Variants in KHDRBS2 observed in about 807,000 individuals in gnomAD.
KHDRBS2 encodes the protein KH RNA binding domain containing, signal transduction associated 2, also known as KH domain-containing, RNA-binding, signal transduction-associated protein 2.
Under a neutral mutation model 44.3 loss-of-function variants are expected in KHDRBS2, and 26 were observed. The ratio of observed to expected loss-of-function variants is 0.59; its 90% confidence interval spans 0.43 to 0.81. The LOEUF (loss-of-function observed/expected upper bound fraction) is 0.81, where lower values mean the gene tolerates loss of function less well. KHDRBS2 is among the 40% of genes least tolerant of loss of function. The probability of loss-of-function intolerance (pLI) is 0.00; values close to 1 mark genes in which losing one functional copy is unlikely to be tolerated. For missense variants in KHDRBS2, 476 were observed against 433.1 expected, an observed-to-expected ratio of 1.10 and a Z score of -0.88; for synonymous variants, 194 against 151.1, an observed-to-expected ratio of 1.28 and a Z score of -2.08.
intron 2 of KHDRBS2, among the ~76,000 whole-genome samples, chr6:62,098,187 A>C (rs1446102430): frequency 6.6e-6 from 1 of 150,470 alleles, no homozygotes; most frequent in African/African-American, 2.4e-5. Context: ...ATAGTATAGG[A>C]GTATTATGAA....
chr6:62,061,842 G>C (rs939505769), intron 2 of KHDRBS2, among the ~76,000 whole-genome samples: 3 of 148,510 alleles, frequency 2.0e-5, no homozygotes, highest in African/African-American at 7.4e-5. Flanking sequence ...TTTTCACATA[G>C]TCCCATATTT....
chr6:61,857,628 A>C (rs1796329007), intron 6 of KHDRBS2, among the ~76,000 whole-genome samples: 1 of 152,004 alleles, frequency 6.6e-6, no homozygotes, highest in South Asian at 2.1e-4. Context: ...CCATGTTAGC[A>C]ACATACGGAT....
At chr6:62,089,626 C>T (rs929136619) in intron 2 of KHDRBS2, among the ~76,000 whole-genome samples, 4 of 152,152 alleles carry the variant, frequency 2.6e-5, no homozygotes, top group Non-Finnish European at 5.9e-5. Flanking sequence ...CACCCAACTT[C>T]TGCATTGGTC....
intron 1 of KHDRBS2, among the ~76,000 whole-genome samples, chr6:62,211,305 T>G (rs1314032358): frequency 6.6e-6 from 1 of 152,110 alleles, no homozygotes; most frequent in African/African-American, 2.4e-5. Flanking sequence ...GCAGAAATAG[T>G]TGAAGTGGAA....
chr6:61,736,814 C>G (rs1775436082), intron 6 of KHDRBS2, among the ~76,000 whole-genome samples: 1 of 151,900 alleles, frequency 6.6e-6, no homozygotes, highest in Non-Finnish European at 1.5e-5. Flanking sequence ...ATATATTAAC[C>G]CTTAGTTCCC....
chr6:62,053,297 A>T (rs1327523489), intron 2 of KHDRBS2, among the ~76,000 whole-genome samples: 1 of 151,904 alleles, frequency 6.6e-6, no homozygotes, highest in Non-Finnish European at 1.5e-5. Context: ...GGAGAATATA[A>T]CCTTCATACC....
the KHDRBS2 span, among the ~76,000 whole-genome samples, chr6:61,622,708 T>C: frequency 6.6e-6 from 1 of 152,098 alleles, no homozygotes; most frequent in Non-Finnish European, 1.5e-5. Flanking sequence ...GAAGTGAACA[T>C]GCTTGAATGG....
intron 6 of KHDRBS2, among the ~76,000 whole-genome samples, chr6:61,746,570 A>T (rs1412495600): frequency 6.6e-6 from 1 of 151,958 alleles, no homozygotes; most frequent in Non-Finnish European, 1.5e-5. Flanking sequence ...TGGGCATTTG[A>T]GTTGTTCCAT....
intron 6 of KHDRBS2, among the ~76,000 whole-genome samples, chr6:61,768,432 G>T (rs546655009): frequency 3.0e-4 from 45 of 152,046 alleles, no homozygotes; most frequent in African/African-American, 1.0e-3. Context: ...TTATCCCTTT[G>T]AATATACTTA....
chr6:62,062,337 AC>A (rs1382435307), intron 2 of KHDRBS2, among the ~76,000 whole-genome samples: 3 of 141,720 alleles, frequency 2.1e-5, no homozygotes, highest in East Asian at 4.2e-4. Context: ...TTTTTTCAGC[AC>A]CACACCACAC....
intron 6 of KHDRBS2, among the ~76,000 whole-genome samples, chr6:61,880,094 T>C (rs77441312): frequency 4.3e-4 from 66 of 151,960 alleles, no homozygotes; most frequent in African/African-American, 1.5e-3. Flanking sequence ...GAATTCTAAA[T>C]TGGGATTGTT....
At chr6:61,653,085 C>A in the KHDRBS2 span, among the ~76,000 whole-genome samples, 1 of 151,894 alleles carries the variant, frequency 6.6e-6, no homozygotes, top group African/African-American at 2.4e-5. Flanking sequence ...AGAGACATGG[C>A]ATTTACTTAA....
intron 1 of KHDRBS2, among the ~76,000 whole-genome samples, chr6:62,192,842 G>A (rs1824896084): frequency 6.6e-6 from 1 of 152,102 alleles, no homozygotes; most frequent in South Asian, 2.1e-4. Flanking sequence ...GGTTTAAACT[G>A]CTGGTTATCC....
intron 1 of KHDRBS2, among the ~76,000 whole-genome samples, chr6:62,213,147 A>G (rs560795147): frequency 1.3e-5 from 2 of 152,336 alleles, no homozygotes; most frequent in African/African-American, 2.4e-5. Context: ...TAATCCGTTC[A>G]TAATAGCTAT....
chr6:61,977,941 C>T (rs1467991591), intron 4 of KHDRBS2, 125 bp downstream of exon 4: 9 of 771,506 alleles, frequency 1.2e-5, no homozygotes, highest in South Asian at 8.6e-5. Flanking sequence ...AGCTTTGTAT[C>T]GACCTGTGGA....
At chr6:61,743,267 C>A (rs923820522) in intron 6 of KHDRBS2, among the ~76,000 whole-genome samples, 30 of 152,184 alleles carry the variant, frequency 2.0e-4, no homozygotes, top group Admixed American at 1.4e-3. Flanking sequence ...TTGTTAAAAA[C>A]CAAAATCAAG....
intron 2 of KHDRBS2, among the ~76,000 whole-genome samples, chr6:62,148,601 T>C (rs1584952543): frequency 6.6e-6 from 1 of 151,926 alleles, no homozygotes; most frequent in Admixed American, 6.6e-5. Context: ...AAGATAGCTA[T>C]AAATATTAAA....
chr6:61,800,081 T>G (rs1786018284), intron 6 of KHDRBS2, among the ~76,000 whole-genome samples: 1 of 152,146 alleles, frequency 6.6e-6, no homozygotes, highest in Non-Finnish European at 1.5e-5. Flanking sequence ...GTATACATGG[T>G]AAAATTTAAT....
At chr6:62,063,477 A>G (rs1324828916) in intron 2 of KHDRBS2, among the ~76,000 whole-genome samples, 1 of 150,992 alleles carries the variant, frequency 6.6e-6, no homozygotes, top group Non-Finnish European at 1.5e-5. Context: ...GGTTCAATAT[A>G]CGCAAATCAA....
Sources: allele counts gnomAD v4.1 joint callset (sites outside exome capture counted in the v4.1 genomes callset), GRCh38; gene constraint gnomAD v4.1.1; transcripts MANE v1.5; gene names NCBI Gene and HGNC (gene_info 2026-07-23, HGNC 2026-07-21).